PRDM11: variants seen among roughly 807,000 people sequenced by gnomAD.
PRDM11 encodes PR domain-containing protein 11.
A neutral mutation model predicts 97.8 loss-of-function variants in PRDM11; 20 were observed. That is an observed-to-expected ratio of 0.20 (90% CI 0.14 to 0.30). PRDM11 has a LOEUF of 0.30. Ranked by LOEUF, PRDM11 falls within the 10% of genes least tolerant of loss-of-function variation. The pLI is 1.00. For synonymous variants in PRDM11, 599 were observed against 637.7 expected (o/e 0.94, Z 0.91); for missense variants, 1,139 against 1,555.2 (o/e 0.73, Z 4.50).
intron 5 of PRDM11, chr11:45,215,809 A>G (rs1853940735): frequency 6.6e-6 from 1 of 152,222 alleles, no homozygotes; most frequent in Non-Finnish European, 1.5e-5. Flanking sequence ...ATGTGAGAAC[A>G]CAGAGCCCAG....
At chr11:45,147,107 TGCCGCCGCCGCGGGAGCCGGGG>T in intron 1 of PRDM11, among the ~76,000 whole-genome samples, 1 of 147,504 alleles carries the variant, frequency 6.8e-6, no homozygotes, top group South Asian at 2.2e-4. Context: ...GGCAGGTAGC[TGCCGCCGCCGCGGGAGCCGGGG>T]GCCGCCCTCC....
intron 5 of PRDM11, among the ~76,000 whole-genome samples, chr11:45,218,080 A>C (rs890698139): frequency 3.3e-5 from 5 of 152,186 alleles, no homozygotes; most frequent in African/African-American, 1.2e-4. Context: ...AGATTCTTTG[A>C]AAACATTTTT....
intron 1 of PRDM11, among the ~76,000 whole-genome samples, chr11:45,108,006 T>C (rs990330484): frequency 1.3e-5 from 2 of 152,004 alleles, no homozygotes; most frequent in Admixed American, 1.3e-4. Flanking sequence ...ACTTATTTTG[T>C]GTGTGTATTT....
chr11:45,155,453 G>A (rs1851770176), intron 1 of PRDM11, among the ~76,000 whole-genome samples: 1 of 152,174 alleles, frequency 6.6e-6, no homozygotes, highest in African/African-American at 2.4e-5. Context: ...CGGGCTCTGG[G>A]GGTTGCCGGG....
intron 1 of PRDM11, among the ~76,000 whole-genome samples, chr11:45,114,218 A>T (rs559718789): frequency 1.3e-4 from 20 of 152,276 alleles, no homozygotes; most frequent in African/African-American, 4.8e-4. Context: ...GAATGAATAG[A>T]GGGAAAATCA....
At chr11:45,105,007 A>G (rs1044902173) in intron 1 of PRDM11, among the ~76,000 whole-genome samples, 9 of 152,186 alleles carry the variant, frequency 5.9e-5, no homozygotes, top group African/African-American at 1.9e-4. Context: ...CAAAAATACC[A>G]TAATCTAGGT....
At chr11:45,096,581 C>A (rs542670478) in intron 1 of PRDM11, among the ~76,000 whole-genome samples, 1 of 152,068 alleles carries the variant, frequency 6.6e-6, no homozygotes, top group African/African-American at 2.4e-5. Context: ...CCAGGCTCTC[C>A]GAAGATAAAA....
intron 1 of PRDM11, among the ~76,000 whole-genome samples, chr11:45,123,221 T>C (rs1852482101): frequency 6.6e-6 from 1 of 152,224 alleles, no homozygotes; most frequent in African/African-American, 2.4e-5. Context: ...TTGTTTGAGT[T>C]CATTGTAGAT....
rs76456500 is a variant in PRDM11, at chr11:45,233,055, G to A, written c.*4896G>A. 6.6e-6 allele frequency: 1 copy of A among 152,148 alleles called. No individual in the cohort carries two copies. Among genetic ancestry groups the A allele is most frequent in the Admixed American group, 6.5e-5 (1 of 15,284 alleles). The allele number at this position is 152,148 out of a possible 1,614,324, so 9.4% of individuals were successfully genotyped here. A position where few individuals can be genotyped will look rare whatever the true frequency, so the allele number is the denominator to read the frequency against. On this transcript the variant is annotated 3_prime_UTR_variant, in exon 8 of 8. Coordinates refer to ENST00000683152, the MANE Select transcript of PRDM11 (RefSeq NM_001384648.1). ...TATGTTGTATATATGGACATATACA[G>A]TACGTATACACACAGAGTAAGAGAG...
At chr11:45,208,989 A>G (rs1280935796) in intron 5 of PRDM11, 4 of 456,724 alleles carry the variant, frequency 8.8e-6, no homozygotes, top group Admixed American at 4.7e-5. Context: ...GAGGGAGACC[A>G]TGCGGCTGTC....
intron 1 of PRDM11, among the ~76,000 whole-genome samples, chr11:45,163,934 C>T (rs988789389): frequency 1.3e-5 from 2 of 152,182 alleles, no homozygotes; most frequent in Admixed American, 1.3e-4. Context: ...GATCCACTCC[C>T]CTCACCCCAT....
upstream of PRDM11, among the ~76,000 whole-genome samples, chr11:45,142,472 G>A (rs553577212): frequency 1.3e-5 from 2 of 152,080 alleles, no homozygotes; most frequent in African/African-American, 2.4e-5. Context: ...TGCCTTCCCT[G>A]TCCTCATGAT....
chr11:45,118,624 G>A (rs1175884772), intron 1 of PRDM11, among the ~76,000 whole-genome samples: 1 of 152,178 alleles, frequency 6.6e-6, no homozygotes, highest in African/African-American at 2.4e-5. Flanking sequence ...AAAAGGATTT[G>A]ACAGAATTTA....
intron 1 of PRDM11, among the ~76,000 whole-genome samples, chr11:45,122,236 C>CACAGAGAG (rs570495237): frequency 1.4e-5 from 2 of 144,518 alleles, no homozygotes; most frequent in African/African-American, 2.5e-5. Flanking sequence ...CACACACACA[C>CACAGAGAG]AGAGAGAAAC....
chr11:45,159,900 A>T (rs1264405784), intron 1 of PRDM11, among the ~76,000 whole-genome samples: 1 of 152,224 alleles, frequency 6.6e-6, no homozygotes, highest in Admixed American at 6.5e-5. Context: ...GGGGCTGCAG[A>T]AACAGAATGG....
chr11:45,132,592 G>A (rs1168411553), intron 1 of PRDM11, among the ~76,000 whole-genome samples: 2 of 152,230 alleles, frequency 1.3e-5, no homozygotes, highest in South Asian at 2.1e-4. Flanking sequence ...GAAAGGTAGA[G>A]TAATGCTTAT....
chr11:45,155,145 A>G (rs1851760746), intron 1 of PRDM11, among the ~76,000 whole-genome samples: 1 of 152,146 alleles, frequency 6.6e-6, no homozygotes, highest in Admixed American at 6.5e-5. Context: ...GCTGGTATGG[A>G]CGTCACTGAG....
At chr11:45,149,524 C>T (rs942958575) in intron 1 of PRDM11, among the ~76,000 whole-genome samples, 41 of 152,322 alleles carry the variant, frequency 2.7e-4, no homozygotes, top group African/African-American at 9.4e-4. Flanking sequence ...TTACTATTTC[C>T]GGTTCTTCCA....
chr11:45,162,334 C>T (rs1851949572), intron 1 of PRDM11, among the ~76,000 whole-genome samples: 2 of 152,132 alleles, frequency 1.3e-5, no homozygotes, highest in South Asian at 4.2e-4. Flanking sequence ...GAGCAGCCAT[C>T]ATTGGACCCA....
Sources: gnomAD v4.1 joint callset for allele counts (sites outside exome capture counted in the v4.1 genomes callset) on GRCh38, gnomAD v4.1.1 for gene constraint, MANE v1.5 for transcripts, NCBI Gene and HGNC (gene_info 2026-07-23, HGNC 2026-07-21) for gene names.